MALRD1: variants seen among roughly 807,000 people sequenced by gnomAD.
The protein encoded by MALRD1 is MAM and LDL-receptor class A domain-containing protein 1.
Under a neutral mutation model 242.1 loss-of-function variants are expected in MALRD1, and 247 were observed. That is an observed-to-expected ratio of 1.02 (90% CI 0.92 to 1.13). MALRD1 has a LOEUF of 1.13. Ranked by LOEUF, MALRD1 falls within the 50% of genes most tolerant of loss-of-function variation. The pLI is 0.00. For synonymous variants in MALRD1, 995 were observed against 866.6 expected, an observed-to-expected ratio of 1.15 and a Z score of -2.60; for missense variants, 2,989 against 2,533.1, an observed-to-expected ratio of 1.18 and a Z score of -3.86.
chr10:19,395,085 A>G (rs191644252), intron 28 of MALRD1, among the ~76,000 whole-genome samples: 9 of 152,338 alleles, frequency 5.9e-5, no homozygotes, highest in Admixed American at 5.9e-4. Flanking sequence ...TCGTTTCAGT[A>G]TCTTAGCAGT....
intron 21 of MALRD1, among the ~76,000 whole-genome samples, chr10:19,322,175 T>C (rs1564561014): frequency 6.6e-6 from 1 of 152,156 alleles, no homozygotes; most frequent in South Asian, 2.1e-4. Flanking sequence ...CATATAGATA[T>C]GTGCATGCAG....
At chr10:19,201,355 T>C (rs974191178) in intron 14 of MALRD1, among the ~76,000 whole-genome samples, 1 of 152,076 alleles carries the variant, frequency 6.6e-6, no homozygotes, top group Admixed American at 6.5e-5. Flanking sequence ...CTTTGAAGAG[T>C]CTTATCTAAG....
At chr10:19,492,761 G>C (rs1342459936) in intron 30 of MALRD1, among the ~76,000 whole-genome samples, 1 of 151,836 alleles carries the variant, frequency 6.6e-6, no homozygotes, top group African/African-American at 2.4e-5. Context: ...GTCTAGACTA[G>C]ACTTTCAATG....
rs114967252 is a variant in MALRD1 at position 19,366,317 on chromosome 10, C to T, written c.4441+14020C>T. The stretch of plus-strand genomic sequence containing the variant: ...ACACAACCTAGATCCCTTGCATGCA[C>T]AGCAAATAATAGGGTTTGCGCTCCT... On this transcript the variant is annotated intron_variant, in intron 26 of 39. Coordinates refer to ENST00000454679, the MANE Select transcript of MALRD1 (RefSeq NM_001142308.3). 2.8e-3 allele frequency among the ~76,000 whole-genome samples: 423 copies of T among 152,046 alleles called. 4 individuals carry two copies. The highest frequency in any genetic ancestry group is 9.7e-3 in the African/African-American group (402 of 41,474).
chr10:19,187,060 C>T (rs978019553), intron 14 of MALRD1, among the ~76,000 whole-genome samples: 2 of 152,238 alleles, frequency 1.3e-5, no homozygotes, highest in East Asian at 3.9e-4. Context: ...ACCTAAAAGA[C>T]CACATAATAA....
In MALRD1 at chr10:19,272,275, T is replaced by G. The variant is rs1840285641; in HGVS notation, c.3080-7772T>G. On this transcript the variant is annotated intron_variant, in intron 19 of 39. Transcript: ENST00000454679. ...ATAAATTAAAGGTCATTAAATTTTT[T>G]TTTATTTTGAAGGACACCATACAAA... 1.3e-5 allele frequency among the ~76,000 whole-genome samples: 2 copies of G among 152,104 alleles called. 1 individual carries two copies. The highest frequency in any genetic ancestry group is 4.1e-4 in the South Asian group (2 of 4,838).
At chr10:19,250,596 A>C (rs1009648399) in intron 18 of MALRD1, among the ~76,000 whole-genome samples, 1 of 152,004 alleles carries the variant, frequency 6.6e-6, no homozygotes, top group African/African-American at 2.4e-5. Context: ...AGGCAAAAAC[A>C]CAAATGTGCC....
At chr10:19,654,540 C>G (rs1010220375) in intron 36 of MALRD1, among the ~76,000 whole-genome samples, 1 of 152,106 alleles carries the variant, frequency 6.6e-6, no homozygotes, top group African/African-American at 2.4e-5. Context: ...CTTGTTCTGA[C>G]TATATTTGAG....
At chr10:19,166,539 G>A (rs1383338882) in intron 13 of MALRD1, among the ~76,000 whole-genome samples, 1 of 152,140 alleles carries the variant, frequency 6.6e-6, no homozygotes, top group Non-Finnish European at 1.5e-5. Context: ...ATTATAACAA[G>A]TTATTGTGTA....
chr10:19,149,077 C>CTATCTATCTATCT (rs1554798064), intron 11 of MALRD1, among the ~76,000 whole-genome samples: 8 of 143,920 alleles, frequency 5.6e-5, no homozygotes, highest in African/African-American at 1.1e-4. Flanking sequence ...TCTATCTGTC[C>CTATCTATCTATCT]ATCTATCTAT....
At chr10:19,447,103 G>A (rs996366877) in intron 28 of MALRD1, among the ~76,000 whole-genome samples, 6 of 129,942 alleles carry the variant, frequency 4.6e-5, no homozygotes, top group African/African-American at 1.6e-4. Flanking sequence ...CACACACACA[G>A]AGCATGAGCA....
chr10:19,061,291 A>G (rs1834815274), intron 1 of MALRD1, among the ~76,000 whole-genome samples: 1 of 152,218 alleles, frequency 6.6e-6, no homozygotes, highest in Admixed American at 6.5e-5. Flanking sequence ...AAAGATATAA[A>G]TGGAAAAGAT....
chr10:19,501,568 G>C (rs920989060), intron 31 of MALRD1, among the ~76,000 whole-genome samples: 3 of 152,160 alleles, frequency 2.0e-5, no homozygotes, highest in African/African-American at 7.2e-5. Context: ...TTCTAAAGCA[G>C]ACAACAACTA....
In MALRD1 at chr10:19,324,067, T is replaced by C. The variant is rs755801054; in HGVS notation, c.3538T>C (p.Trp1180Arg). ...GGGACCAAAATGTACCTTGGTGTTC[T>C]GGACACATATGAATGGGGCCACCGT... ...LTGPKCTLVF[W>R]THMNGATVGS... is the part of the protein sequence containing the mutation. Residue 1180 changes from tryptophan (W) to arginine (R), a missense_variant, in exon 22 of 40, where the codon TGG (tryptophan) becomes CGG (arginine). Trp to Arg is a moderately radical substitution (Grantham distance 101, BLOSUM62 -3). Coordinates refer to ENST00000454679, the MANE Select transcript of MALRD1 (RefSeq NM_001142308.3). The C allele has an allele frequency of 6.4e-7, 1 of 1,550,538 alleles. No homozygotes were observed. Among genetic ancestry groups the C allele is most frequent in the Non-Finnish European group, 8.7e-7 (1 of 1,146,846 alleles).
At chr10:19,308,048 T>G (rs561700447) in intron 21 of MALRD1, among the ~76,000 whole-genome samples, 1 of 151,696 alleles carries the variant, frequency 6.6e-6, no homozygotes, top group South Asian at 2.1e-4. Context: ...TTACATTCTT[T>G]TAGTTATTTT....
intron 38 of MALRD1, among the ~76,000 whole-genome samples, chr10:19,698,819 C>T (rs957526636): frequency 2.0e-5 from 3 of 152,104 alleles, no homozygotes; most frequent in Non-Finnish European, 4.4e-5. Flanking sequence ...TATTCTGTCC[C>T]AGCAAGTCTT....
At chr10:19,103,006 C>G (rs1286210405) in intron 4 of MALRD1, among the ~76,000 whole-genome samples, 2 of 151,888 alleles carry the variant, frequency 1.3e-5, no homozygotes, top group Non-Finnish European at 2.9e-5. Context: ...CGCCACCACT[C>G]CCAGCTAATT....
At chr10:19,590,949 T>G (rs1485619068) in intron 33 of MALRD1, among the ~76,000 whole-genome samples, 1 of 152,190 alleles carries the variant, frequency 6.6e-6, no homozygotes, top group African/African-American at 2.4e-5. Context: ...TGTTGAAAGT[T>G]CTGTGAACTT....
chr10:19,615,720 A>C, intron 35 of MALRD1, 137 bp from the exon 36 acceptor site: 1 of 661,440 alleles, frequency 1.5e-6, no homozygotes, highest in Non-Finnish European at 2.5e-6. Flanking sequence ...AGCCTATGGG[A>C]ATTCTTTTGC....
Sources: allele counts gnomAD v4.1 joint callset (sites outside exome capture counted in the v4.1 genomes callset), GRCh38; gene constraint gnomAD v4.1.1; transcripts MANE v1.5; gene names NCBI Gene and HGNC (gene_info 2026-07-23, HGNC 2026-07-21).